Variants in RASA3 observed in about 807,000 individuals in gnomAD.
The protein encoded by RASA3 is RAS p21 protein activator 3, also known as ras GTPase-activating protein 3.
A neutral mutation model predicts 110.0 loss-of-function variants in RASA3; 73 were observed. That is an observed-to-expected ratio of 0.66 (90% confidence interval 0.55 to 0.81). The LOEUF is 0.81. Ranked by LOEUF, RASA3 falls within the 30% of genes least tolerant of loss-of-function variation. The pLI is 0.00. For missense variants in RASA3, 976 were observed against 1,113.2 expected (o/e 0.88, Z 1.75); for synonymous variants, 500 against 451.4 (o/e 1.11, Z -1.37).
At chr13:114,117,364 T>TGCACGTGTGTGAGGGGA (rs1372697940) in intron 1 of RASA3, among the ~76,000 whole-genome samples, 1 of 129,750 alleles carries the variant, frequency 7.7e-6, no homozygotes, top group Admixed American at 7.7e-5. Context: ...GTGTGAGGGG[T>TGCACGTGTGTGAGGGGA]GCACGTGTGT....
intron 3 of RASA3, among the ~76,000 whole-genome samples, chr13:114,047,174 T>C (rs1402680667): frequency 6.6e-6 from 1 of 152,224 alleles, no homozygotes; most frequent in Admixed American, 6.5e-5. Flanking sequence ...ACACTTGTGA[T>C]AGACTCGTAT....
chr13:113,997,920 C>T (rs987275331), intron 20 of RASA3, among the ~76,000 whole-genome samples: 17 of 152,144 alleles, frequency 1.1e-4, no homozygotes, highest in African/African-American at 3.9e-4. Flanking sequence ...TCGGACTGGA[C>T]GCCCCCGTGC....
intron 1 of RASA3, among the ~76,000 whole-genome samples, chr13:114,117,596 T>C (rs558588525): frequency 9.1e-6 from 1 of 110,292 alleles, no homozygotes; most frequent in East Asian, 3.1e-4. Context: ...TGCACATCTG[T>C]GGGTGAGCAC....
intron 4 of RASA3, among the ~76,000 whole-genome samples, chr13:114,030,903 ATGTG>A (rs1439449800): frequency 1.6e-5 from 2 of 126,026 alleles, no homozygotes; most frequent in South Asian, 5.2e-4. Flanking sequence ...GTGTGTGTCT[ATGTG>A]TGTCTGCCTA....
intron 1 of RASA3, among the ~76,000 whole-genome samples, chr13:114,116,792 T>TGTGTGAGGGGTGCACGC (rs2080281742): frequency 7.3e-6 from 1 of 137,806 alleles, no homozygotes. Context: ...AGGGTGCACG[T>TGTGTGAGGGGTGCACGC]GTGTGAGGGG....
chr13:114,045,709 G>C (rs1350507140), intron 3 of RASA3, among the ~76,000 whole-genome samples: 1 of 152,220 alleles, frequency 6.6e-6, no homozygotes. Flanking sequence ...TCAGTGTGGA[G>C]ACGTCGACTG....
intron 23 of RASA3, among the ~76,000 whole-genome samples, chr13:113,980,046 G>A (rs1188368285): frequency 3.1e-4 from 24 of 76,680 alleles, no homozygotes; most frequent in African/African-American, 8.2e-4. Flanking sequence ...GCACCTCTGT[G>A]TGCCTCCTGT....
chr13:114,047,123 T>G (rs890072346), intron 3 of RASA3, among the ~76,000 whole-genome samples: 4 of 152,144 alleles, frequency 2.6e-5, no homozygotes, highest in African/African-American at 9.6e-5. Flanking sequence ...GGTAAGAAAA[T>G]GAAATACAAG....
chr13:114,009,506 C>G (rs576324162), intron 16 of RASA3, 42 bp from the exon 17 acceptor site: 6 of 1,350,476 alleles, frequency 4.4e-6, no homozygotes, highest in African/African-American at 4.3e-5. Flanking sequence ...CCCGAAGTAC[C>G]TCGGCTCACG....
intron 4 of RASA3, among the ~76,000 whole-genome samples, chr13:114,038,468 G>A (rs2054324034): frequency 6.6e-6 from 1 of 152,250 alleles, no homozygotes; most frequent in Non-Finnish European, 1.5e-5. Context: ...AGGAAGCAGA[G>A]TTAATTAAGT....
intron 1 of RASA3, among the ~76,000 whole-genome samples, chr13:114,098,147 C>T (rs901171146): frequency 9.2e-5 from 14 of 152,258 alleles, no homozygotes; most frequent in East Asian, 1.9e-4. Flanking sequence ...CAGGGGAGCA[C>T]GGCACCTGGC....
intron 1 of RASA3, among the ~76,000 whole-genome samples, chr13:114,098,533 A>G (rs1017359780): frequency 1.5e-4 from 23 of 152,044 alleles, no homozygotes; most frequent in African/African-American, 5.1e-4. Context: ...CAGCCCTGAG[A>G]CCTGGTGGGC....
intron 1 of RASA3, among the ~76,000 whole-genome samples, chr13:114,116,870 T>G (rs1302661184): frequency 8.7e-6 from 1 of 115,106 alleles, no homozygotes; most frequent in South Asian, 2.9e-4. Context: ...GTGTGAGGGG[T>G]GCACATGTAT....
chr13:114,045,426 C>T (rs1354249194), intron 3 of RASA3, among the ~76,000 whole-genome samples: 3 of 152,266 alleles, frequency 2.0e-5, no homozygotes, highest in East Asian at 1.9e-4. Context: ...GGGCATCAGA[C>T]GGGGGACCAG....
chr13:114,006,062 C>A (rs1434989186), intron 18 of RASA3, among the ~76,000 whole-genome samples: 1 of 27,480 alleles, frequency 3.6e-5, no homozygotes, highest in Admixed American at 3.0e-4. Context: ...CGGACGCCAC[C>A]TTACCCTTCT....
intron 4 of RASA3, among the ~76,000 whole-genome samples, chr13:114,030,442 A>G (rs1189817262): frequency 1.6e-4 from 18 of 113,296 alleles, no homozygotes; most frequent in African/African-American, 4.6e-4. Context: ...CAAGGCTCAC[A>G]CAGAGGGCAA....
intron 13 of RASA3, among the ~76,000 whole-genome samples, chr13:114,015,653 G>A (rs900770822): frequency 2.6e-5 from 4 of 152,254 alleles, no homozygotes; most frequent in Non-Finnish European, 4.4e-5. Context: ...CAGAAATGAC[G>A]AAACAGCACG....
At chr13:114,018,943 G>C (rs747965244) in intron 9 of RASA3, 24 bp from the exon 10 acceptor site, 1 of 1,612,568 alleles carries the variant, frequency 6.2e-7, no homozygotes, top group African/African-American at 1.3e-5. Flanking sequence ...ACACATGGAG[G>C]GGAGGCATGA....
At chr13:114,108,991 G>T (rs1009370606) in intron 1 of RASA3, among the ~76,000 whole-genome samples, 2 of 152,166 alleles carry the variant, frequency 1.3e-5, no homozygotes, top group Non-Finnish European at 2.9e-5. Context: ...GCAGGCCCAG[G>T]TCTCTATCAC....
Sources: allele counts gnomAD v4.1 joint callset (sites outside exome capture counted in the v4.1 genomes callset), GRCh38; gene constraint gnomAD v4.1.1; transcripts MANE v1.5; gene names NCBI Gene and HGNC (gene_info 2026-07-23, HGNC 2026-07-21).